Variants in RGPD5 observed in about 807,000 individuals in gnomAD.
The protein encoded by RGPD5 is RANBP2 like and GRIP domain containing 5, also known as RANBP2-like and GRIP domain-containing protein 5/6.
At chr2:109,761,962 T>A in the RGPD5 span, among the ~76,000 whole-genome samples, 1 of 150,592 alleles carries the variant, frequency 6.6e-6, no homozygotes, top group Admixed American at 6.7e-5. Flanking sequence ...ATAACTCATA[T>A]AGATGATATG....
chr2:109,780,184 CAG>C, the RGPD5 span, among the ~76,000 whole-genome samples: 2 of 107,378 alleles, frequency 1.9e-5, no homozygotes, highest in African/African-American at 3.8e-5. Flanking sequence ...ATAGTTGAGA[CAG>C]AAACTGATAA....
At chr2:109,764,966 G>A in the RGPD5 span, among the ~76,000 whole-genome samples, 2 of 115,760 alleles carry the variant, frequency 1.7e-5, no homozygotes, top group African/African-American at 8.1e-5. Flanking sequence ...TTAATCATTG[G>A]AGAGAAAGTC....
intron 1 of RGPD5, among the ~76,000 whole-genome samples, chr2:109,799,229 C>T (rs976791978): frequency 9.3e-5 from 12 of 129,406 alleles, no homozygotes; most frequent in Non-Finnish European, 1.4e-4. Context: ...CAGAGCAAGA[C>T]TCCATCTCAA....
the RGPD5 span, among the ~76,000 whole-genome samples, chr2:109,766,880 C>T: frequency 6.7e-6 from 1 of 149,696 alleles, no homozygotes; most frequent in Non-Finnish European, 1.5e-5. Context: ...TTAATGGTAA[C>T]ATAATTTTTT....
the RGPD5 span, among the ~76,000 whole-genome samples, chr2:109,766,126 C>T: frequency 1.3e-5 from 2 of 150,644 alleles, no homozygotes; most frequent in Admixed American, 1.4e-4. Context: ...CGAAGGTCAC[C>T]GTGTAGTTGA....
chr2:109,760,727 C>T, the RGPD5 span, among the ~76,000 whole-genome samples: 2 of 145,200 alleles, frequency 1.4e-5, no homozygotes, highest in African/African-American at 5.0e-5. Flanking sequence ...CCATGGACAG[C>T]TTCGACTTAG....
At chr2:109,760,747 A>G in the RGPD5 span, among the ~76,000 whole-genome samples, 2 of 144,410 alleles carry the variant, frequency 1.4e-5, no homozygotes, top group Admixed American at 7.1e-5. Flanking sequence ...GCCCTGCTCC[A>G]GGAATGGGAC....
the RGPD5 span, among the ~76,000 whole-genome samples, chr2:109,765,373 T>C: frequency 1.3e-5 from 2 of 150,380 alleles, no homozygotes; most frequent in African/African-American, 4.9e-5. Flanking sequence ...TCCTGTCCTC[T>C]TTCTTTCTCT....
chr2:109,778,488 G>T, the RGPD5 span, among the ~76,000 whole-genome samples: 3 of 149,886 alleles, frequency 2.0e-5, no homozygotes, highest in Admixed American at 6.7e-5. Flanking sequence ...TAGTAGCCAG[G>T]CATTGGACAA....
the RGPD5 span, among the ~76,000 whole-genome samples, chr2:109,766,733 G>T: frequency 3.4e-5 from 5 of 148,596 alleles, no homozygotes; most frequent in Non-Finnish European, 7.4e-5. Flanking sequence ...TCTCAATATG[G>T]AATGCAAGAT....
At chr2:109,764,019 C>T in the RGPD5 span, among the ~76,000 whole-genome samples, 103 of 144,320 alleles carry the variant, frequency 7.1e-4, 1 homozygote, top group African/African-American at 2.6e-3. Context: ...GCACGCTCTT[C>T]CTGCCACTCA....
the RGPD5 span, among the ~76,000 whole-genome samples, chr2:109,762,013 CTT>C: frequency 6.9e-6 from 1 of 145,576 alleles, no homozygotes; most frequent in African/African-American, 2.5e-5. Flanking sequence ...TTTCCAGTGA[CTT>C]TTATTTTCCT....
At chr2:109,767,478 T>C in the RGPD5 span, among the ~76,000 whole-genome samples, 2 of 133,218 alleles carry the variant, frequency 1.5e-5, no homozygotes, top group African/African-American at 2.8e-5. Flanking sequence ...CATTTGGCAC[T>C]GTGGGTCTCA....
At chr2:109,762,370 A>G in the RGPD5 span, among the ~76,000 whole-genome samples, 1 of 150,390 alleles carries the variant, frequency 6.6e-6, no homozygotes, top group African/African-American at 2.4e-5. Flanking sequence ...ATAGCTTTCC[A>G]GATAGCAACT....
the RGPD5 span, among the ~76,000 whole-genome samples, chr2:109,774,505 T>TATATACATAATATATATTATATATATAAA: frequency 6.2e-5 from 2 of 32,062 alleles, no homozygotes; most frequent in Non-Finnish European, 9.1e-5. Context: ...CAAACATATA[T>TATATACATAATATATATTATATATATAAA]ATATATATAA....
chr2:109,763,552 G>A, the RGPD5 span, among the ~76,000 whole-genome samples: 1 of 149,804 alleles, frequency 6.7e-6, no homozygotes, highest in Non-Finnish European at 1.5e-5. Flanking sequence ...TGGAAGTTAA[G>A]GTCCTACTAA....
chr2:109,765,365 C>T, the RGPD5 span, among the ~76,000 whole-genome samples: 1 of 150,280 alleles, frequency 6.7e-6, no homozygotes, highest in Admixed American at 6.8e-5. Context: ...TGGATATTTC[C>T]TGTCCTCTTT....
the RGPD5 span, among the ~76,000 whole-genome samples, chr2:109,772,801 G>A: frequency 1.4e-5 from 2 of 142,550 alleles, no homozygotes; most frequent in Non-Finnish European, 3.0e-5. Flanking sequence ...TCAGTGAGGA[G>A]TGAGGGCTGA....
At chr2:109,777,220 G>A in the RGPD5 span, among the ~76,000 whole-genome samples, 2 of 145,452 alleles carry the variant, frequency 1.4e-5, no homozygotes, top group Non-Finnish European at 3.0e-5. Flanking sequence ...GTTTCCTTCT[G>A]TTCCTAGTTT....
Sources: gnomAD v4.1 joint callset for allele counts (sites outside exome capture counted in the v4.1 genomes callset) on GRCh38, gnomAD v4.1.1 for gene constraint, MANE v1.5 for transcripts, NCBI Gene and HGNC (gene_info 2026-07-23, HGNC 2026-07-21) for gene names.